The following CCDC7 variants were observed in gnomAD, a reference collection of about 807,000 sequenced individuals.
The protein encoded by CCDC7 is coiled-coil domain containing 7.
A neutral mutation model predicts 196.9 loss-of-function variants in CCDC7; 183 were observed. The observed-to-expected ratio is 0.93, with a 90% confidence interval of 0.82 to 1.05. CCDC7 has a LOEUF of 1.05. CCDC7 is among the 50% of genes least tolerant of loss of function. CCDC7 has a pLI of 0.00. For missense variants in CCDC7, 1,540 were observed against 1,482.2 expected (o/e 1.04, Z -0.64); for synonymous variants, 525 against 484.6 (o/e 1.08, Z -1.10).
intron 15 of CCDC7, 148 bp from the exon 17 acceptor site, chr10:32,571,711 A>C (rs1173703632): frequency 6.3e-6 from 4 of 638,394 alleles, no homozygotes; most frequent in Non-Finnish European, 9.3e-6. Context: ...CCAATGCTAA[A>C]ATATGATAAT....
intron 18 of CCDC7, among the ~76,000 whole-genome samples, chr10:32,595,881 A>G (rs1313107019): frequency 6.6e-6 from 1 of 152,062 alleles, no homozygotes; most frequent in Non-Finnish European, 1.5e-5. Context: ...CCTGAGTTCT[A>G]TTTTGGTTGC....
chr10:32,694,763 A>G (rs1446529234), intron 23 of CCDC7, 116 bp from the exon 25 acceptor site: 1 of 538,694 alleles, frequency 1.9e-6, no homozygotes, highest in African/African-American at 1.9e-5. Context: ...CTGATAATTT[A>G]CTTACAAATT....
intron 1 of CCDC7, 96 bp downstream of exon 2, chr10:32,452,017 A>G (rs780330098): frequency 1.7e-5 from 24 of 1,427,134 alleles, no homozygotes; most frequent in Non-Finnish European, 1.8e-5. Context: ...ACATATAGTC[A>G]TACCGATGGC....
chr10:32,856,680 T>C (rs2093766131), intron 41 of CCDC7, among the ~76,000 whole-genome samples: 1 of 152,206 alleles, frequency 6.6e-6, no homozygotes, highest in South Asian at 2.1e-4. Context: ...TTAGAGTTCT[T>C]GGTGCATGAA....
intron 16 of CCDC7, among the ~76,000 whole-genome samples, chr10:32,578,499 G>A (rs1467487901): frequency 6.6e-6 from 1 of 151,454 alleles, no homozygotes; most frequent in Non-Finnish European, 1.5e-5. Context: ...GTCCCATCTG[G>A]GGGTGATGGG....
At chr10:32,763,349 A>G (rs1329655315) in intron 28 of CCDC7, among the ~76,000 whole-genome samples, 1 of 151,998 alleles carries the variant, frequency 6.6e-6, no homozygotes, top group East Asian at 1.9e-4. Context: ...ATCATCAAAA[A>G]CATAACATAT....
At chr10:32,757,187 G>T (rs531642220) in intron 28 of CCDC7, among the ~76,000 whole-genome samples, 161 of 152,288 alleles carry the variant, frequency 1.1e-3, no homozygotes, top group Non-Finnish European at 1.2e-3. Flanking sequence ...ACATTAGACA[G>T]ATCAATGAGA....
intron 28 of CCDC7, among the ~76,000 whole-genome samples, chr10:32,736,269 T>A (rs766096940): frequency 5.3e-5 from 8 of 152,154 alleles, no homozygotes; most frequent in Non-Finnish European, 1.2e-4. Flanking sequence ...ACAAACAATA[T>A]TGAGACTTCC....
chr10:32,553,927 G>A (rs2053922074), intron 13 of CCDC7, among the ~76,000 whole-genome samples: 1 of 152,200 alleles, frequency 6.6e-6, no homozygotes, highest in Non-Finnish European at 1.5e-5. Flanking sequence ...GGGTGGGTAG[G>A]GAAGGACCAT....
chr10:32,750,990 ATAAT>A (rs1247576607), intron 28 of CCDC7, among the ~76,000 whole-genome samples: 3 of 152,304 alleles, frequency 2.0e-5, no homozygotes, highest in Non-Finnish European at 4.4e-5. Context: ...GGTATAAGAA[ATAAT>A]TAATGGACAG....
At chr10:32,481,369 A>C (rs1564403522) in intron 8 of CCDC7, among the ~76,000 whole-genome samples, 1 of 151,916 alleles carries the variant, frequency 6.6e-6, no homozygotes, top group African/African-American at 2.4e-5. Flanking sequence ...TGTTTTGTAG[A>C]TCCTTTGTTC....
rs2093574027 is a variant in CCDC7 at position 32,851,770 on chromosome 10, C to T, written c.3896-37C>T. The T allele has an allele frequency of 1.9e-6, 3 of 1,569,992 alleles. No homozygotes were observed. The Admixed American group carries it at 5.3e-5, about 28-fold the overall frequency. On this transcript the variant is annotated intron_variant, in intron 39 of 41. Transcript: ENST00000639629. The stretch of plus-strand genomic sequence containing the variant: ...TATTAAAAATAATTACAAATGTCAT[C>T]TATTGTATGGCTAACATATTTTCCA...
chr10:32,869,503 C>G (rs754633423), intron 41 of CCDC7, among the ~76,000 whole-genome samples: 12 of 152,094 alleles, frequency 7.9e-5, no homozygotes, highest in Non-Finnish European at 1.8e-4. Context: ...AATTTTCTCC[C>G]ATTTTGTAGG....
intron 16 of CCDC7, among the ~76,000 whole-genome samples, chr10:32,581,428 C>G (rs1283315165): frequency 6.6e-6 from 1 of 151,982 alleles, no homozygotes; most frequent in Non-Finnish European, 1.5e-5. Context: ...TCCTTCAACT[C>G]CTCCTCTTCC....
chr10:32,574,161 A>G (rs1340708220), intron 16 of CCDC7, among the ~76,000 whole-genome samples: 1 of 152,062 alleles, frequency 6.6e-6, no homozygotes, highest in Non-Finnish European at 1.5e-5. Flanking sequence ...TTTAGAATCT[A>G]TACAGTGTGC....
intron 29 of CCDC7, among the ~76,000 whole-genome samples, chr10:32,793,783 T>C (rs901600430): frequency 1.3e-5 from 2 of 152,214 alleles, no homozygotes; most frequent in Non-Finnish European, 2.9e-5. Context: ...AAATGCTTGG[T>C]AGAATTTCTT....
chr10:32,593,931 A>G (rs1590280900), intron 18 of CCDC7, among the ~76,000 whole-genome samples: 1 of 152,152 alleles, frequency 6.6e-6, no homozygotes, highest in Non-Finnish European at 1.5e-5. Context: ...TACCTGTACC[A>G]TGCTGTTTTG....
intron 3 of CCDC7, among the ~76,000 whole-genome samples, chr10:32,460,440 T>C (rs1330182763): frequency 1.3e-5 from 2 of 152,188 alleles, no homozygotes; most frequent in Non-Finnish European, 2.9e-5. Flanking sequence ...AAAGGCACTG[T>C]TCTCGTTAAA....
At chr10:32,761,629 A>C (rs141825861) in intron 28 of CCDC7, among the ~76,000 whole-genome samples, 19 of 152,092 alleles carry the variant, frequency 1.2e-4, no homozygotes, top group African/African-American at 4.6e-4. Flanking sequence ...TATAGCTACA[A>C]ATTGCTGAAA....
Sources: allele counts gnomAD v4.1 joint callset (sites outside exome capture counted in the v4.1 genomes callset), GRCh38; gene constraint gnomAD v4.1.1; transcripts MANE v1.5; gene names NCBI Gene and HGNC (gene_info 2026-07-23, HGNC 2026-07-21).